Variants in MYO6 observed in about 807,000 individuals in gnomAD.
MYO6 encodes the protein unconventional myosin-VI.
In MYO6, 74 loss-of-function variants were observed where a neutral mutation model predicts 178.7. The observed-to-expected ratio is 0.41, with a 90% CI of 0.34 to 0.50. MYO6 has a LOEUF of 0.50. Ranked by LOEUF, MYO6 falls within the 20% of genes least tolerant of loss-of-function variation. MYO6 has a pLI of 0.09. For synonymous variants in MYO6, 477 were observed against 504.6 expected (o/e 0.95, Z 0.73); for missense variants, 1,330 against 1,547.4 (o/e 0.86, Z 2.36).
rs1781292704 is a variant in MYO6, at chr6:75,919,112, T to G, written c.*4100T>G. 2 of 140,390 alleles carry G rather than the reference T, an allele frequency of 1.4e-5. No individual in the cohort carries two copies. The highest frequency in any genetic ancestry group is 5.0e-5 in the African/African-American group (2 of 39,722). 8.7% of individuals were successfully genotyped at this position (140,390 alleles called of 1,614,324 possible). A position where few individuals can be genotyped will look rare whatever the true frequency, so the allele number is the denominator to read the frequency against. ...CCATCCTGGGCAACAAGAGCGAAAT[T>G]CCATCTCAAAAAATAAAATAGATTT... is the stretch of plus-strand genomic sequence containing the variant. On this transcript the variant is annotated 3_prime_UTR_variant, in exon 35 of 35. Coordinates refer to ENST00000369977, the MANE Select transcript of MYO6 (RefSeq NM_004999.4).
At chr6:75,791,599 A>G (rs1424403495) in intron 1 of MYO6, among the ~76,000 whole-genome samples, 2 of 152,206 alleles carry the variant, frequency 1.3e-5, no homozygotes, top group Non-Finnish European at 2.9e-5. Context: ...CCATTAGTAA[A>G]AAGTACTCGA....
intron 12 of MYO6, among the ~76,000 whole-genome samples, chr6:75,856,031 AT>A (rs1323983892): frequency 6.6e-6 from 1 of 152,168 alleles, no homozygotes; most frequent in Non-Finnish European, 1.5e-5. Flanking sequence ...GCTATCTCTT[AT>A]TCTTTTGAAA....
At chr6:75,884,834 T>C (rs1778305705) in intron 23 of MYO6, among the ~76,000 whole-genome samples, 1 of 152,138 alleles carries the variant, frequency 6.6e-6, no homozygotes, top group Non-Finnish European at 1.5e-5. Flanking sequence ...TCTGGAGCAC[T>C]GATTTTAGGT....
chr6:75,769,151 C>CT (rs1293328056), intron 1 of MYO6, among the ~76,000 whole-genome samples: 1 of 152,242 alleles, frequency 6.6e-6, no homozygotes, highest in African/African-American at 2.4e-5. Flanking sequence ...GGTCCCATCT[C>CT]TAACATCGGA....
chr6:75,893,525 T>C (rs1437321928), intron 28 of MYO6, among the ~76,000 whole-genome samples: 1 of 152,164 alleles, frequency 6.6e-6, no homozygotes, highest in East Asian at 1.9e-4. Context: ...CGATGTTTCC[T>C]TGTGAAAGGA....
chr6:75,796,736 G>A (rs1768872109), intron 1 of MYO6, among the ~76,000 whole-genome samples: 1 of 151,758 alleles, frequency 6.6e-6, no homozygotes, highest in East Asian at 1.9e-4. Flanking sequence ...TCAGAGTGCT[G>A]GAATTACAGG....
intron 20 of MYO6, among the ~76,000 whole-genome samples, chr6:75,878,591 C>T (rs1386610589): frequency 6.6e-6 from 1 of 152,220 alleles, no homozygotes; most frequent in African/African-American, 2.4e-5. Flanking sequence ...TAAAGGCCAT[C>T]TTTCCTGTGA....
chr6:75,908,444 G>C, intron 31 of MYO6, 52 bp from the exon 32 acceptor site: 1 of 1,558,944 alleles, frequency 6.4e-7, no homozygotes. Flanking sequence ...CATTATGTTA[G>C]ACGAATAAAT....
chr6:75,870,197 A>G (rs1037146111), intron 18 of MYO6, among the ~76,000 whole-genome samples: 12 of 152,214 alleles, frequency 7.9e-5, no homozygotes, highest in African/African-American at 2.9e-4. Flanking sequence ...CCATAAAACA[A>G]TCCTAATATA....
Position 75,867,096 on chromosome 6 carries a change from C to A in MYO6, c.1935C>A (p.Asn645Lys), listed in dbSNP as rs2149313117. The change falls in exon 18 of 35, where the codon AAC (asparagine) becomes AAA (lysine). Residue 645 changes from asparagine to lysine, a missense_variant. Around this residue, in one of 3 missense-constraint regions of MYO6, gnomAD observed 613 missense variants for 816.8 expected, o/e 0.75. Transcript: ENST00000369977. ...AACTTAGCTTCATCAGCGTGGGAAACAAGTTTAAGGTATTTGTGTTATTTA... is the reference window on the plus strand; with the variant it reads ...AACTTAGCTTCATCAGCGTGGGAAAAAAGTTTAAGGTATTTGTGTTATTTA... ...AGKLSFISVG[N>K]KFKTQLNLLL... is the part of the protein sequence containing the mutation. 1 of 1,611,838 alleles carries A rather than the reference C, an allele frequency of 6.2e-7. No individual in the cohort carries two copies. The highest frequency in any genetic ancestry group is 8.5e-7 in the Non-Finnish European group (1 of 1,178,766).
At chr6:75,758,478 T>C (rs1777660698) in intron 1 of MYO6, among the ~76,000 whole-genome samples, 1 of 152,116 alleles carries the variant, frequency 6.6e-6, no homozygotes, top group African/African-American at 2.4e-5. Context: ...TTTGTTTGTT[T>C]GAGATGGAGT....
intron 23 of MYO6, among the ~76,000 whole-genome samples, chr6:75,882,306 T>G (rs1273802329): frequency 6.6e-6 from 1 of 152,228 alleles, no homozygotes; most frequent in Non-Finnish European, 1.5e-5. Context: ...TTTTCCACCT[T>G]TTGCATAATA....
chr6:75,810,598 A>G (rs1053415692), intron 1 of MYO6, among the ~76,000 whole-genome samples: 23 of 152,166 alleles, frequency 1.5e-4, no homozygotes, highest in Non-Finnish European at 1.5e-5. Context: ...TCCCCCATCC[A>G]AGAGGGATCC....
intron 1 of MYO6, among the ~76,000 whole-genome samples, chr6:75,750,240 G>A (rs996788281): frequency 3.3e-5 from 5 of 151,818 alleles, no homozygotes; most frequent in Non-Finnish European, 7.4e-5. Flanking sequence ...GATTACAAGC[G>A]CCCACCACCA....
At chr6:75,821,212 C>G (rs1362533471) in intron 2 of MYO6, among the ~76,000 whole-genome samples, 1 of 152,138 alleles carries the variant, frequency 6.6e-6, no homozygotes, top group African/African-American at 2.4e-5. Flanking sequence ...CCCCACTCCC[C>G]TCATCATCTA....
chr6:75,808,522 T>C (rs770708468), intron 1 of MYO6, among the ~76,000 whole-genome samples: 1 of 152,064 alleles, frequency 6.6e-6, no homozygotes, highest in Non-Finnish European at 1.5e-5. Flanking sequence ...ACATATGAAT[T>C]TGGGGGGAAC....
intron 31 of MYO6, among the ~76,000 whole-genome samples, chr6:75,907,988 A>G (rs975302857): frequency 2.0e-5 from 3 of 152,204 alleles, no homozygotes; most frequent in Non-Finnish European, 2.9e-5. Flanking sequence ...TCTTATTTAA[A>G]TCACAGTGTT....
At chr6:75,788,831 C>G (rs1418537290) in intron 1 of MYO6, among the ~76,000 whole-genome samples, 2 of 152,228 alleles carry the variant, frequency 1.3e-5, no homozygotes, top group East Asian at 3.9e-4. Flanking sequence ...GTTGAGAAGG[C>G]TGGAGAGTGT....
At chr6:75,821,852 T>C (rs1025019904) in intron 2 of MYO6, among the ~76,000 whole-genome samples, 2 of 152,202 alleles carry the variant, frequency 1.3e-5, no homozygotes, top group Admixed American at 6.5e-5. Context: ...TTCTCTCTTA[T>C]GAGATGTTAT....
Sources: allele counts gnomAD v4.1 joint callset (sites outside exome capture counted in the v4.1 genomes callset), GRCh38; gene constraint gnomAD v4.1.1; regional missense constraint gnomAD v4.1.1; transcripts MANE v1.5; gene names NCBI Gene and HGNC (gene_info 2026-07-23, HGNC 2026-07-21).